TPST2: variants seen among roughly 807,000 people sequenced by gnomAD.
TPST2 encodes protein-tyrosine sulfotransferase 2.
In TPST2, 16 loss-of-function variants were observed where a neutral mutation model predicts 27.8. The observed-to-expected ratio is 0.58, with a 90% CI of 0.39 to 0.88. TPST2 has a LOEUF of 0.88. Among genes scored for constraint, TPST2 ranks in the 40% least tolerant of loss-of-function variants. TPST2 has a pLI of 0.00. For synonymous variants in TPST2, 229 were observed against 231.7 expected (o/e 0.99, Z 0.10); for missense variants, 464 against 543.1 (o/e 0.85, Z 1.45).
chr22:26,541,315 C>A lies in TPST2; in HGVS notation c.316G>T (p.Val106Leu). 6.5e-7 allele frequency: 1 copy of A among 1,544,562 alleles called. No individual in the cohort carries two copies. ...GACCAGGCCTGGCGCATGGCCAGCA[C>A]GCGCGGGATGATGCGGGTCTCCTCG... The part of the protein sequence containing the change: ...CGEETRIIPR[V>L]LAMRQAWSKS... Residue 106 changes from valine to leucine, a missense_variant, in exon 3 of 7, where the codon GTG becomes TTG. Coordinates refer to ENST00000338754, the MANE Select transcript of TPST2 (RefSeq NM_003595.5). This position sits in a 1 kb window ranked among gnomAD's most constrained non-coding sequence, Gnocchi z 5.9.
intron 3 of TPST2, among the ~76,000 whole-genome samples, chr22:26,537,397 T>C (rs1233841478): frequency 6.6e-6 from 1 of 152,240 alleles, no homozygotes; most frequent in African/African-American, 2.4e-5. Flanking sequence ...ACTGGGGTTG[T>C]CTGAAGAGTA....
Position 26,541,828 on chromosome 22 carries a change from A to G in TPST2, c.-88-110T>C, listed in dbSNP as rs1925861421. 4 of 1,080,134 alleles carry G rather than the reference A, an allele frequency of 3.7e-6. No individual in the cohort carries two copies. 66.9% of individuals were successfully genotyped at this position (1,080,134 alleles called of 1,614,324 possible). On this transcript the variant is annotated intron_variant, in intron 2 of 6. Transcript: ENST00000338754. The surrounding 1 kb of genome is among the most constrained non-coding windows in gnomAD (Gnocchi z 5.9). ...CAAGAGGCTGCTGACATGAATGCAG[A>G]GGGCACCTTTCATAAGCACTAGCTG... is the stretch of plus-strand genomic sequence containing the variant.
intron 1 of TPST2, among the ~76,000 whole-genome samples, chr22:26,579,905 T>C (rs1928026403): frequency 7.1e-6 from 1 of 141,274 alleles, no homozygotes; most frequent in South Asian, 2.3e-4. Flanking sequence ...AAGACGTGAG[T>C]TGGGGGGATG....
At chr22:26,583,143 A>C (rs1186511851) in intron 1 of TPST2, among the ~76,000 whole-genome samples, 1 of 151,206 alleles carries the variant, frequency 6.6e-6, no homozygotes, top group Non-Finnish European at 1.5e-5. Context: ...AAAGAACAAA[A>C]CAAATAAAAG....
At chr22:26,554,477 C>T (rs1926672565) in intron 1 of TPST2, among the ~76,000 whole-genome samples, 1 of 152,194 alleles carries the variant, frequency 6.6e-6, no homozygotes, top group South Asian at 2.1e-4. Flanking sequence ...CTCCTCTGTC[C>T]AGAAGCTGTC....
chr22:26,582,036 A>G (rs1928135502), intron 1 of TPST2, among the ~76,000 whole-genome samples: 1 of 152,214 alleles, frequency 6.6e-6, no homozygotes, highest in Non-Finnish European at 1.5e-5. Context: ...CCAGACCCTC[A>G]CTATTCCAAA....
At chr22:26,583,303 AG>A (rs771251741) in intron 1 of TPST2, among the ~76,000 whole-genome samples, 7 of 150,042 alleles carry the variant, frequency 4.7e-5, no homozygotes, top group South Asian at 2.1e-4. Flanking sequence ...TGGGCATGGT[AG>A]TAGGCACCTG....
At chr22:26,527,001 C>T (rs1017617685) in intron 6 of TPST2, among the ~76,000 whole-genome samples, 2 of 152,148 alleles carry the variant, frequency 1.3e-5, no homozygotes, top group African/African-American at 2.4e-5. Flanking sequence ...TCACTTGAAC[C>T]CCAGAAGGTG....
intron 1 of TPST2, among the ~76,000 whole-genome samples, chr22:26,562,130 C>T (rs539798121): frequency 1.8e-4 from 28 of 152,208 alleles, no homozygotes; most frequent in Non-Finnish European, 2.6e-4. Context: ...AGCGGCCCGG[C>T]GGGGGCCACA....
In TPST2 at chr22:26,541,072, C is replaced by T. The variant is rs1354951796; in HGVS notation, c.559G>A (p.Ala187Thr). Reference sequence around the variant, plus strand: ...CGCGTGATCATGGAGTGCACGGAGGCCCGGCCGTCCCGCACCATCAGCAGG... The same window carrying T: ...CGCGTGATCATGGAGTGCACGGAGGTCCGGCCGTCCCGCACCATCAGCAGG... ...KFLLMVRDGR[A>T]SVHSMITRKV... Residue 187 changes from alanine to threonine, a missense_variant, in exon 3 of 7, where the codon GCC becomes ACC. Ala to Thr is a moderately conservative substitution (Grantham distance 58). Coordinates refer to ENST00000338754, the MANE Select transcript of TPST2 (RefSeq NM_003595.5). The surrounding 1 kb of genome is among the most constrained non-coding windows in gnomAD (Gnocchi z 5.9). The T allele has an allele frequency of 6.2e-7, 1 of 1,610,956 alleles. No homozygotes were observed. Among genetic ancestry groups the T allele is most frequent in the Non-Finnish European group, 8.5e-7 (1 of 1,177,910 alleles).
chr22:26,571,527 C>T (rs145040018), intron 1 of TPST2, among the ~76,000 whole-genome samples: 160 of 152,178 alleles, frequency 1.1e-3, no homozygotes, highest in East Asian at 4.1e-3. Flanking sequence ...GCTCTGTTTC[C>T]GGAGCATTGC....
At position 26,536,392 on chromosome 22, in the gene TPST2, T is replaced by A. The variant is rs766164560; in HGVS notation, c.937A>T (p.Met313Leu). Residue 313 changes from methionine (M) to leucine (L), a missense_variant, in exon 4 of 7, where the codon ATG becomes TTG. Met to Leu is a conservative substitution (Grantham distance 15). Transcript: ENST00000338754. ...GHIPGDVVRDMAQIAPMLAQL... is the reference protein window; with the variant it reads ...GHIPGDVVRDLAQIAPMLAQL... ...GCCAGCATGGGGGCGATCTGGGCCA[T>A]GTCCCGCACCACATCCCCAGGGATG... 6.2e-7 allele frequency: 1 copy of A among 1,601,724 alleles called. No homozygotes were observed.
chr22:26,561,120 G>A, intron 1 of TPST2: 1 of 1,610,018 alleles, frequency 6.2e-7, no homozygotes, highest in Non-Finnish European at 8.5e-7. Context: ...GGATGAGGAG[G>A]AGGAAGATGA....
chr22:26,586,067 A>C (rs1479755256), intron 1 of TPST2, among the ~76,000 whole-genome samples: 2 of 151,770 alleles, frequency 1.3e-5, no homozygotes, highest in Non-Finnish European at 2.9e-5. Flanking sequence ...TAATAATCAT[A>C]ATAATACATT....
At chr22:26,566,222 G>A (rs1438595055) in intron 1 of TPST2, among the ~76,000 whole-genome samples, 1 of 151,866 alleles carries the variant, frequency 6.6e-6, no homozygotes, top group Non-Finnish European at 1.5e-5. Flanking sequence ...TTAGAGACCA[G>A]CCTGGACAAC....
At chr22:26,556,229 G>A (rs1292054514) in intron 1 of TPST2, among the ~76,000 whole-genome samples, 1 of 152,130 alleles carries the variant, frequency 6.6e-6, no homozygotes, top group Non-Finnish European at 1.5e-5. Context: ...ACACATCTGT[G>A]GCACCTAAAA....
At chr22:26,575,752 T>C (rs774893840) in intron 1 of TPST2, among the ~76,000 whole-genome samples, 3 of 152,196 alleles carry the variant, frequency 2.0e-5, no homozygotes, top group Non-Finnish European at 4.4e-5. Context: ...TCCCAGCACT[T>C]TGGGAGGCCA....
chr22:26,583,665 C>A (rs1048489638), intron 1 of TPST2, among the ~76,000 whole-genome samples: 4 of 151,806 alleles, frequency 2.6e-5, no homozygotes, highest in African/African-American at 9.7e-5. Context: ...TATGGTGAAA[C>A]CCTGTCTCTA....
chr22:26,542,770 C>A (rs761444181), intron 2 of TPST2, among the ~76,000 whole-genome samples: 29 of 152,162 alleles, frequency 1.9e-4, no homozygotes, highest in Non-Finnish European at 3.8e-4. Flanking sequence ...GGAAAGGATG[C>A]AGCACGACTG....
Sources: gnomAD v4.1 joint callset for allele counts (sites outside exome capture counted in the v4.1 genomes callset) on GRCh38, gnomAD v4.1.1 for gene constraint, Gnocchi (gnomAD v3.1) non-coding constraint, MANE v1.5 for transcripts, NCBI Gene and HGNC (gene_info 2026-07-23, HGNC 2026-07-21) for gene names.